The following TIGD2 variants were observed in gnomAD, a reference collection of about 807,000 sequenced individuals.
TIGD2 encodes the protein tigger transposable element-derived protein 2.
In TIGD2, 14 loss-of-function variants were observed where a neutral mutation model predicts 27.0. The ratio of observed to expected loss-of-function variants is 0.52; its 90% CI spans 0.34 to 0.81. TIGD2 has a LOEUF of 0.81. Ranked by LOEUF, TIGD2 falls within the 30% of genes least tolerant of loss-of-function variation. The pLI is 0.01. For synonymous variants in TIGD2, 201 were observed against 209.0 expected, an observed-to-expected ratio of 0.96 and a Z score of 0.33; for missense variants, 590 against 617.3, an observed-to-expected ratio of 0.96 and a Z score of 0.47.
In TIGD2 at chr4:89,114,348, G is replaced by A; in HGVS notation, c.1374G>A (p.Glu458=). 6.2e-7 allele frequency: 1 copy of A among 1,613,992 alleles called. No individual in the cohort carries two copies. Among genetic ancestry groups the A allele is most frequent in the East Asian group, 2.2e-5 (1 of 44,872 alleles). Residue 458 remains glutamate, a synonymous_variant, in exon 2 of 2, where the codon GAG becomes GAA. Transcript: ENST00000603357. ...CTGAGGACCAGACCAAGGCTGCTGA[G>A]CAAAAGCCTTCCAGTAAGAGTAGAA... ...ESAEDQTKAA[E]QKPSSKSRKT...
Position 89,114,642 on chromosome 4 carries a change from C to T in TIGD2, c.*90C>T. On this transcript the variant is annotated 3_prime_UTR_variant, in exon 2 of 2. Transcript: ENST00000603357. ...TTTGAAGTCCTGTGGATTCCAAAGC[C>T]AAATACATTTTATAAATGATTTTGG... The T allele has an allele frequency of 1.5e-6, 2 of 1,296,422 alleles. No individual in the cohort carries two copies. Among genetic ancestry groups the T allele is most frequent in the African/African-American group, 1.5e-5 (1 of 67,392 alleles). 80.3% of individuals were successfully genotyped at this position (1,296,422 alleles called of 1,614,324 possible). A position where few individuals can be genotyped will look rare whatever the true frequency, so the allele number is the denominator to read the frequency against.
At position 89,113,835 on chromosome 4, in the gene TIGD2, A is replaced by C; in HGVS notation, c.861A>C (p.Ala287=). 6.2e-7 allele frequency: 1 copy of C among 1,614,220 alleles called. No homozygotes were observed. The highest frequency in any genetic ancestry group is 1.6e-4 in the Middle Eastern group (1 of 6,062). ...AATCCAAGGGACTTTTAGAAAAAGC[A>C]GTGCTTCTTTTAGATTTCCCCCCAG... The part of the protein sequence containing the change: ...HLKSKGLLEK[A]VLLLDFPPAR... The change falls in exon 2 of 2, where the codon GCA becomes GCC. Residue 287 remains alanine, a synonymous_variant. Transcript: ENST00000603357.
rs747929028 is a variant in TIGD2, at chr4:89,114,476, C to A, written c.1502C>A (p.Ser501Tyr). ...GAACAACAAGATGACATGCTTCTGTCTGATAAATTGGTATTAAGGAGGCTT... is the reference window on the plus strand; with the variant it reads ...GAACAACAAGATGACATGCTTCTGTATGATAAATTGGTATTAAGGAGGCTT... The part of the protein sequence containing the change: ...YLEQQDDMLL[S>Y]DKLVLRRLRT... Residue 501 changes from serine to tyrosine, a missense_variant, in exon 2 of 2, where the codon TCT becomes TAT. Ser to Tyr is a moderately radical substitution (Grantham distance 144). Coordinates refer to ENST00000603357, the MANE Select transcript of TIGD2 (RefSeq NM_145715.3). 1 of 1,613,284 alleles carries A rather than the reference C, an allele frequency of 6.2e-7. No individual in the cohort carries two copies. Among genetic ancestry groups the A allele is most frequent in the South Asian group, 1.1e-5 (1 of 91,040 alleles).
Position 89,112,760 on chromosome 4 carries a change from A to G in TIGD2, c.-215A>G, listed in dbSNP as rs1329197037. On this transcript the variant is annotated 5_prime_UTR_variant, in exon 2 of 2. Transcript: ENST00000603357. Reference sequence around the variant, plus strand: ...AGGAGGAAGAAAGATAGAAGATAAGAGTTAATTGGCGCTAGGCTTTGTTGT... The same window carrying G: ...AGGAGGAAGAAAGATAGAAGATAAGGGTTAATTGGCGCTAGGCTTTGTTGT... The G allele has an allele frequency of 2.0e-6, 1 of 495,062 alleles. No individual in the cohort carries two copies. The highest frequency in any genetic ancestry group is 3.5e-6 in the Non-Finnish European group (1 of 283,674). The allele number at this position is 495,062 out of a possible 1,614,324, so 30.7% of individuals were successfully genotyped here. A position where few individuals can be genotyped will look rare whatever the true frequency, so the allele number is the denominator to read the frequency against.
chr4:89,113,354 C>T lies in TIGD2; in HGVS notation c.380C>T (p.Thr127Ile). ...TTTAATGCATCGTCAGGCTGGCTAA[C>T]TCGATTTAAGCAGCGCCATGGTATT... The part of the protein sequence containing the change: ...GDFNASSGWL[T>I]RFKQRHGIPK... Residue 127 changes from threonine (T) to isoleucine (I), a missense_variant, in exon 2 of 2, where the codon ACT becomes ATT. By Grantham distance (89) the Thr-to-Ile change is moderately conservative. Coordinates refer to ENST00000603357, the MANE Select transcript of TIGD2 (RefSeq NM_145715.3). 1 of 1,614,128 alleles carries T rather than the reference C, an allele frequency of 6.2e-7. No individual in the cohort carries two copies. Among genetic ancestry groups the T allele is most frequent in the Non-Finnish European group, 8.5e-7 (1 of 1,180,024 alleles).
In TIGD2 at chr4:89,113,893, G is replaced by A; in HGVS notation, c.919G>A (p.Asp307Asn). 1 of 1,614,214 alleles carries A rather than the reference G, an allele frequency of 6.2e-7. No individual in the cohort carries two copies. Among genetic ancestry groups the A allele is most frequent in the Non-Finnish European group, 8.5e-7 (1 of 1,180,040 alleles). ...RPNEEMLSSD[D>N]GRIIVKYLPP... is the part of the protein sequence containing the mutation. ...AAATGAAGAAATGTTGAGTTCAGATGATGGCAGAATAATTGTGAAGTATTT... is the reference window on the plus strand; with the variant it reads ...AAATGAAGAAATGTTGAGTTCAGATAATGGCAGAATAATTGTGAAGTATTT... The change falls in exon 2 of 2, where the codon GAT becomes AAT. Residue 307 changes from aspartate to asparagine, a missense_variant. This residue lies in a region of TIGD2 where 451 missense variants were observed against 448.0 expected (regional missense o/e 1.01). Coordinates refer to ENST00000603357, the MANE Select transcript of TIGD2 (RefSeq NM_145715.3).
In TIGD2 at chr4:89,112,237, T is replaced by G. The variant is rs773677980; in HGVS notation, c.-738T>G. On this transcript the variant is annotated 5_prime_UTR_variant, in exon 2 of 2. Coordinates refer to ENST00000603357, the MANE Select transcript of TIGD2 (RefSeq NM_145715.3). ...CCGATGCAGTTTTTTTGATGCTTTC[T>G]TTAGTAATGTGACATCACATGTCCA... 1 of 152,352 alleles carries G rather than the reference T, an allele frequency of 6.6e-6. No homozygotes were observed. The highest frequency in any genetic ancestry group is 6.5e-5 in the Admixed American group (1 of 15,304). The allele number at this position is 152,352 out of a possible 1,614,324, so 9.4% of individuals were successfully genotyped here. A position where few individuals can be genotyped will look rare whatever the true frequency, so the allele number is the denominator to read the frequency against.
Position 89,113,307 on chromosome 4 carries a change from T to G in TIGD2, c.333T>G (p.Asp111Glu). ...CAAAACAAGCCAAGTTCTTTTTTGATGCTTTGGGAATGGAAGGTGATTTTA... is the reference window on the plus strand; with the variant it reads ...CAAAACAAGCCAAGTTCTTTTTTGAGGCTTTGGGAATGGAAGGTGATTTTA... ...ICAKQAKFFF[D>E]ALGMEGDFNA... Residue 111 changes from aspartate (D) to glutamate (E), a missense_variant, in exon 2 of 2, where the codon GAT becomes GAG. Asp to Glu is a conservative substitution (Grantham distance 45). Around this residue, in one of 3 missense-constraint regions of TIGD2, gnomAD observed 47 missense variants for 79.7 expected, o/e 0.59. Coordinates refer to ENST00000603357, the MANE Select transcript of TIGD2 (RefSeq NM_145715.3). The G allele has an allele frequency of 6.2e-7, 1 of 1,614,208 alleles. No individual in the cohort carries two copies. The highest frequency in any genetic ancestry group is 8.5e-7 in the Non-Finnish European group (1 of 1,180,032).
At position 89,113,794 on chromosome 4, in the gene TIGD2, GT is replaced by G. The variant is rs764518954; in HGVS notation, c.821del (p.Val274AspfsTer5). ...GTTTGAAAAGTACTTTGTGCCACAG[GT>G]ACAGAAGCATTTGAAATCCAAGGGA... ...QWFEKYFVPQ[V>X]QKHLKSKGLL... On this transcript the variant is annotated frameshift_variant, in exon 2 of 2. Coordinates refer to ENST00000603357, the MANE Select transcript of TIGD2 (RefSeq NM_145715.3). LOFTEE classifies it high-confidence loss of function. The G allele has an allele frequency of 5.0e-6, 8 of 1,614,082 alleles. No individual in the cohort carries two copies. In the African/African-American group the frequency reaches 9.3e-5, roughly 19 times the overall value.
rs559397182 is a variant in TIGD2, at chr4:89,111,846, G to A, written c.-946G>A. The A allele has an allele frequency of 6.6e-6, 1 of 152,186 alleles. No homozygotes were observed. 9.4% of individuals were successfully genotyped at this position (152,186 alleles called of 1,614,324 possible). On this transcript the variant is annotated 5_prime_UTR_variant, in exon 1 of 2. Coordinates refer to ENST00000603357, the MANE Select transcript of TIGD2 (RefSeq NM_145715.3). ...GCTCGCCCAGCGGGGAGAGGCCCTCGCTAACACGGCTTCTCCCTGACCTCT... is the reference window on the plus strand; with the variant it reads ...GCTCGCCCAGCGGGGAGAGGCCCTCACTAACACGGCTTCTCCCTGACCTCT...
At position 89,112,734 on chromosome 4, in the gene TIGD2, G is replaced by A; in HGVS notation, c.-241G>A. 2.3e-6 allele frequency: 1 copy of A among 441,776 alleles called. No homozygotes were observed. Among genetic ancestry groups the A allele is most frequent in the Admixed American group, 4.0e-5 (1 of 24,942 alleles). 27.4% of individuals were successfully genotyped at this position (441,776 alleles called of 1,614,324 possible). A position where few individuals can be genotyped will look rare whatever the true frequency, so the allele number is the denominator to read the frequency against. On this transcript the variant is annotated 5_prime_UTR_variant, in exon 2 of 2. An upstream open reading frame in the 5' UTR loses its in-frame stop. Transcript: ENST00000603357. ...CACTTCATGAAAGACCCTGAACCCTGAGGAGGAAGAAAGATAGAAGATAAG... is the reference window on the plus strand; with the variant it reads ...CACTTCATGAAAGACCCTGAACCCTAAGGAGGAAGAAAGATAGAAGATAAG...
At chr4:89,111,226 G>T (rs75992847), upstream of TIGD2, 3 of 982,582 alleles carry the variant, frequency 3.1e-6, no homozygotes, top group African/African-American at 1.7e-5. Context: ...CCCCAGCACT[G>T]GGGGGGTGAG....
rs1285052400 is a variant in TIGD2 at position 89,112,431 on chromosome 4, G to GT, written c.-543dup. ...ACTTGCGCAACCTATAGCAGAGTCC[G>GT]TGCCTAGAGAGACAGCATTCCATAC... On this transcript the variant is annotated 5_prime_UTR_variant, in exon 2 of 2. Coordinates refer to ENST00000603357, the MANE Select transcript of TIGD2 (RefSeq NM_145715.3). 1 of 152,524 alleles carries GT rather than the reference G, an allele frequency of 6.6e-6. No homozygotes were observed. The highest frequency in any genetic ancestry group is 6.5e-5 in the Admixed American group (1 of 15,272). The allele number at this position is 152,524 out of a possible 1,614,324, so 9.4% of individuals were successfully genotyped here. A position where few individuals can be genotyped will look rare whatever the true frequency, so the allele number is the denominator to read the frequency against.
At position 89,112,854 on chromosome 4, in the gene TIGD2, C is replaced by G. The variant is rs780837639; in HGVS notation, c.-121C>G. The G allele has an allele frequency of 2.6e-4, 212 of 810,008 alleles. 1 individual carries two copies. The highest frequency in any genetic ancestry group is 3.6e-4 in the Non-Finnish European group (187 of 526,020). The allele number at this position is 810,008 out of a possible 1,614,324, so 50.2% of individuals were successfully genotyped here. A position where few individuals can be genotyped will look rare whatever the true frequency, so the allele number is the denominator to read the frequency against. The stretch of plus-strand genomic sequence containing the variant: ...CCTTGTCAGGAAATTGGTCACTATC[C>G]ATCTAGGCCCTAGAAGTGAGAGGAG... On this transcript the variant is annotated 5_prime_UTR_variant, in exon 2 of 2. Transcript: ENST00000603357.
chr4:89,111,949 T>C (rs1258439905), intron 1 of TIGD2, 66 bp downstream of exon 1: 1 of 152,248 alleles, frequency 6.6e-6, no homozygotes, highest in Non-Finnish European at 1.5e-5. Context: ...TTGTCGTATT[T>C]AGCTATCACA....
At position 89,114,080 on chromosome 4, in the gene TIGD2, T is replaced by C. The variant is rs1721165526; in HGVS notation, c.1106T>C (p.Val369Ala). ...ACAGTGTTGGATGCAATTTATGAAG[T>C]GTCAAGAGCTTGGAACATGGTAAAA... ...NLTVLDAIYEVSRAWNMVKSS... is the reference protein window; with the variant it reads ...NLTVLDAIYEASRAWNMVKSS... Residue 369 changes from valine (V) to alanine (A), a missense_variant, in exon 2 of 2, where the codon GTG (valine) becomes GCG (alanine). Physicochemically the swap from Val to Ala is moderately conservative, Grantham distance 64. Coordinates refer to ENST00000603357, the MANE Select transcript of TIGD2 (RefSeq NM_145715.3). The C allele has an allele frequency of 1.9e-6, 3 of 1,614,092 alleles. No individual in the cohort carries two copies. The highest frequency in any genetic ancestry group is 8.5e-7 in the Non-Finnish European group (1 of 1,180,018).
upstream of TIGD2, chr4:89,111,328 C>T (rs1721044051): frequency 1.4e-5 from 9 of 654,354 alleles, no homozygotes; most frequent in Non-Finnish European, 1.7e-5. Flanking sequence ...GTGTGCCTCC[C>T]CCTGCCGGCC....
In TIGD2 at chr4:89,113,143, A is replaced by G. The variant is rs745978476; in HGVS notation, c.169A>G (p.Asn57Asp). ...CAAAGAAAGGATTATAAACTATGCAAACAGTTCAGATCCTACCAGTGGAGT... is the reference window on the plus strand; with the variant it reads ...CAAAGAAAGGATTATAAACTATGCAGACAGTTCAGATCCTACCAGTGGAGT... ...KNKERIINYANSSDPTSGVSK... is the reference protein window; with the variant it reads ...KNKERIINYADSSDPTSGVSK... The change falls in exon 2 of 2, where the codon AAC becomes GAC. Residue 57 changes from asparagine to aspartate, a missense_variant. Transcript: ENST00000603357. 1.1e-5 allele frequency: 17 copies of G among 1,614,012 alleles called. No individual in the cohort carries two copies. Among genetic ancestry groups the G allele is most frequent in the East Asian group, 4.5e-5 (2 of 44,898 alleles).
rs751801454 is a variant in TIGD2 at position 89,114,346 on chromosome 4, G to A, written c.1372G>A (p.Glu458Lys). ...TGCTGAGGACCAGACCAAGGCTGCT[G>A]AGCAAAAGCCTTCCAGTAAGAGTAG... is the stretch of plus-strand genomic sequence containing the variant. ...ESAEDQTKAA[E>K]QKPSSKSRKT... Residue 458 changes from glutamate (E) to lysine (K), a missense_variant, in exon 2 of 2, where the codon GAG (glutamate) becomes AAG (lysine). Glu to Lys is a moderately conservative substitution (Grantham distance 56). Coordinates refer to ENST00000603357, the MANE Select transcript of TIGD2 (RefSeq NM_145715.3). The A allele has an allele frequency of 6.2e-7, 1 of 1,614,006 alleles. No individual in the cohort carries two copies. The highest frequency in any genetic ancestry group is 1.1e-5 in the South Asian group (1 of 91,074).
Sources: allele counts gnomAD v4.1 joint callset, GRCh38; gene constraint gnomAD v4.1.1; regional missense constraint gnomAD v4.1.1; transcripts MANE v1.5; gene names NCBI Gene and HGNC (gene_info 2026-07-23, HGNC 2026-07-21).